Variants in FAM135A observed in about 807,000 individuals in gnomAD.
FAM135A encodes the protein protein FAM135A.
Under a neutral mutation model 146.8 loss-of-function variants are expected in FAM135A, and 79 were observed. The observed-to-expected ratio is 0.54, with a 90% CI of 0.45 to 0.65. The LOEUF (loss-of-function observed/expected upper bound fraction) is 0.65. Ranked by LOEUF, FAM135A falls within the 30% of genes least tolerant of loss-of-function variation. FAM135A has a pLI of 0.00. For missense variants in FAM135A, 1,623 were observed against 1,758.2 expected, an observed-to-expected ratio of 0.92 and a Z score of 1.38; for synonymous variants, 562 against 603.6, an observed-to-expected ratio of 0.93 and a Z score of 1.01.
chr6:70,512,691 A>C (rs935955979), intron 12 of FAM135A, among the ~76,000 whole-genome samples: 2 of 151,780 alleles, frequency 1.3e-5, no homozygotes, highest in Non-Finnish European at 3.0e-5. Flanking sequence ...AAGATTATTT[A>C]TATATATTCT....
chr6:70,449,872 C>G (rs1776652813), intron 4 of FAM135A, among the ~76,000 whole-genome samples: 1 of 152,162 alleles, frequency 6.6e-6, no homozygotes, highest in African/African-American at 2.4e-5. Context: ...AATTTACATT[C>G]TCACCAATAG....
intron 12 of FAM135A, among the ~76,000 whole-genome samples, chr6:70,506,459 C>G (rs1024319047): frequency 1.3e-5 from 2 of 152,036 alleles, no homozygotes; most frequent in Admixed American, 6.6e-5. Context: ...ATGAAAGCAG[C>G]CATGGATGGT....
At chr6:70,515,931 T>A (rs1253745231) in intron 12 of FAM135A, among the ~76,000 whole-genome samples, 1 of 151,910 alleles carries the variant, frequency 6.6e-6, no homozygotes, top group Non-Finnish European at 1.5e-5. Flanking sequence ...AAAAAAAAAA[T>A]AAAGTAACTT....
At chr6:70,467,317 A>G (rs1469315951) in intron 5 of FAM135A, among the ~76,000 whole-genome samples, 1 of 149,508 alleles carries the variant, frequency 6.7e-6, no homozygotes, top group Non-Finnish European at 1.5e-5. Context: ...TTTTTCTCCA[A>G]AAAAAAAAAT....
intron 2 of FAM135A, among the ~76,000 whole-genome samples, chr6:70,423,781 T>A (rs1769389971): frequency 1.3e-5 from 2 of 152,214 alleles, no homozygotes; most frequent in Admixed American, 6.5e-5. Context: ...ATCCTACCTG[T>A]TGATAATATT....
intron 12 of FAM135A, among the ~76,000 whole-genome samples, chr6:70,516,019 T>C (rs2128311272): frequency 6.6e-6 from 1 of 152,304 alleles, no homozygotes. Flanking sequence ...ATCTCGATTG[T>C]AGATTATATT....
intron 5 of FAM135A, among the ~76,000 whole-genome samples, chr6:70,460,335 C>T (rs548866136): frequency 6.6e-6 from 1 of 152,298 alleles, no homozygotes; most frequent in East Asian, 1.9e-4. Flanking sequence ...TGACAGACTT[C>T]TTATTTTGAA....
chr6:70,505,511 GAC>G (rs758599187), intron 12 of FAM135A, among the ~76,000 whole-genome samples: 1 of 151,828 alleles, frequency 6.6e-6, no homozygotes, highest in Non-Finnish European at 1.5e-5. Flanking sequence ...AGATTAAGAT[GAC>G]ACAGTATTGG....
chr6:70,520,076 G>A (rs576890304), intron 12 of FAM135A, among the ~76,000 whole-genome samples: 1 of 151,894 alleles, frequency 6.6e-6, no homozygotes, highest in Non-Finnish European at 1.5e-5. Flanking sequence ...GGAATTCTAG[G>A]CTTTTTTTTT....
chr6:70,559,593 AT>A (rs1801576335), intron 21 of FAM135A, 122 bp from the exon 22 acceptor site: 5 of 752,114 alleles, frequency 6.6e-6, no homozygotes, highest in Admixed American at 3.5e-5. Flanking sequence ...AAAAAGAGCC[AT>A]TTTTCTGCTT....
chr6:70,514,092 A>G (rs757555934), intron 12 of FAM135A, among the ~76,000 whole-genome samples: 1 of 151,482 alleles, frequency 6.6e-6, no homozygotes, highest in Non-Finnish European at 1.5e-5. Context: ...CTTCAGATAT[A>G]TTTTCTGCCC....
intron 12 of FAM135A, among the ~76,000 whole-genome samples, chr6:70,514,265 G>T (rs1791706229): frequency 6.6e-6 from 1 of 151,742 alleles, no homozygotes; most frequent in African/African-American, 2.4e-5. Context: ...CAACTAATCT[G>T]CTCTTAATCT....
In FAM135A at chr6:70,524,023, C is replaced by T; in HGVS notation, c.1160C>T (p.Ser387Phe). The change falls in exon 14 of 22, where the codon TCT becomes TTT. Residue 387 changes from serine (S) to phenylalanine (F), a missense_variant. By Grantham distance (155) the Ser-to-Phe change is radical (BLOSUM62 -2). Transcript: ENST00000418814. ...ATCAAAAATACTTCCTTCTGCAGTT[C>T]TCTTCCACCCTTACCTATTGAATGT... is the stretch of plus-strand genomic sequence containing the variant. ...TAIKNTSFCS[S>F]LPPLPIECSE... 1 of 1,613,080 alleles carries T rather than the reference C, an allele frequency of 6.2e-7. No individual in the cohort carries two copies. Among genetic ancestry groups the T allele is most frequent in the Non-Finnish European group, 8.5e-7 (1 of 1,179,532 alleles).
chr6:70,432,137 T>C (rs987712440), intron 4 of FAM135A, among the ~76,000 whole-genome samples: 1 of 152,128 alleles, frequency 6.6e-6, no homozygotes, highest in African/African-American at 2.4e-5. Context: ...GATAGAAATG[T>C]AATAACTTAA....
In FAM135A at chr6:70,455,240, G is replaced by A. The variant is rs193113747; in HGVS notation, c.157+2669G>A. On this transcript the variant is annotated intron_variant, in intron 5 of 21. Transcript: ENST00000418814. ...ATTTGGCTCTCTGTCTGTTATTGGT[G>A]TATAGGAATGCTTGTGATTTTTGCA... 3.4e-4 allele frequency among the ~76,000 whole-genome samples: 51 copies of A among 152,194 alleles called. 1 individual carries two copies. The East Asian group carries it at 9.1e-3, about 27-fold the overall frequency.
intron 20 of FAM135A, among the ~76,000 whole-genome samples, chr6:70,542,277 C>CACACACACACACACACACACACACA (rs35407465): frequency 6.8e-6 from 1 of 146,864 alleles, no homozygotes; most frequent in African/African-American, 2.7e-5. Context: ...CACACACACA[C>CACACACACACACACACACACACACA]CCTTTGCTGT....
chr6:70,473,459 A>C (rs961453545), intron 5 of FAM135A, among the ~76,000 whole-genome samples: 6 of 152,216 alleles, frequency 3.9e-5, no homozygotes, highest in African/African-American at 1.4e-4. Context: ...CCATAAGTTC[A>C]TATCAGTACT....
At chr6:70,542,907 G>A (rs1233873675) in intron 20 of FAM135A, among the ~76,000 whole-genome samples, 2 of 151,846 alleles carry the variant, frequency 1.3e-5, no homozygotes, top group African/African-American at 4.8e-5. Flanking sequence ...TCTCAAAATT[G>A]TTAATATTAT....
intron 1 of FAM135A, among the ~76,000 whole-genome samples, chr6:70,414,519 C>T (rs1367898082): frequency 2.6e-5 from 4 of 151,794 alleles, no homozygotes; most frequent in Admixed American, 6.6e-5. Context: ...CCACCCTCCC[C>T]CCCCCATTTG....
Sources: allele counts gnomAD v4.1 joint callset (sites outside exome capture counted in the v4.1 genomes callset), GRCh38; gene constraint gnomAD v4.1.1; transcripts MANE v1.5; gene names NCBI Gene and HGNC (gene_info 2026-07-23, HGNC 2026-07-21).